KATNIP: variants seen among roughly 807,000 people sequenced by gnomAD.
KATNIP encodes the protein katanin-interacting protein.
A neutral mutation model predicts 174.0 loss-of-function variants in KATNIP; 126 were observed. The ratio of observed to expected loss-of-function variants is 0.72; its 90% CI spans 0.63 to 0.84. KATNIP has a LOEUF of 0.84. Among genes scored for constraint, KATNIP ranks in the 40% least tolerant of loss-of-function variants. KATNIP has a pLI of 0.00. For missense variants in KATNIP, 1,958 were observed against 2,109.7 expected, an observed-to-expected ratio of 0.93 and a Z score of 1.41; for synonymous variants, 810 against 835.7, an observed-to-expected ratio of 0.97 and a Z score of 0.53.
At chr16:27,575,176 C>G (rs1297240726) in intron 2 of KATNIP, among the ~76,000 whole-genome samples, 9 of 152,230 alleles carry the variant, frequency 5.9e-5, no homozygotes, top group Admixed American at 4.6e-4. Flanking sequence ...AAACCAGTCA[C>G]CTGACTCTTC....
intron 21 of KATNIP, among the ~76,000 whole-genome samples, chr16:27,770,394 C>G (rs976799059): frequency 6.6e-6 from 1 of 152,184 alleles, no homozygotes; most frequent in African/African-American, 2.4e-5. Flanking sequence ...AAAAATAGAG[C>G]TTAATATTTC....
chr16:27,669,833 A>ATT (rs34553521), intron 6 of KATNIP, among the ~76,000 whole-genome samples: 237 of 150,040 alleles, frequency 1.6e-3, no homozygotes, highest in Admixed American at 2.5e-3. Context: ...GGGAGAGGGA[A>ATT]TTTTTTTTTT....
chr16:27,625,669 C>T (rs2076310846), intron 3 of KATNIP, among the ~76,000 whole-genome samples: 1 of 152,134 alleles, frequency 6.6e-6, no homozygotes, highest in Non-Finnish European at 1.5e-5. Flanking sequence ...GTATCAGCTG[C>T]TAAAGAAACA....
Position 27,749,914 on chromosome 16 carries a change from G to T in KATNIP, c.2954G>T (p.Trp985Leu). ...TTGGTCATTGACATCAAGTCTACCT[G>T]GGGGGACAGACACTATGTCGGCCTC... The part of the protein sequence containing the change: ...QRLVIDIKST[W>L]GDRHYVGLNG... The change falls in exon 16 of 28, where the codon TGG becomes TTG. Residue 985 changes from tryptophan (W) to leucine (L), a missense_variant. Trp to Leu is a moderately conservative substitution (Grantham distance 61). Around this residue, in one of 3 missense-constraint regions of KATNIP, gnomAD observed 1,557 missense variants for 1,617.8 expected, o/e 0.96. Transcript: ENST00000261588. 6.2e-7 allele frequency: 1 copy of T among 1,614,114 alleles called. No homozygotes were observed. The highest frequency in any genetic ancestry group is 1.1e-5 in the South Asian group (1 of 91,070).
chr16:27,769,784 C>T, intron 20 of KATNIP, 77 bp from the exon 21 acceptor site: 1 of 1,541,456 alleles, frequency 6.5e-7, no homozygotes, highest in Non-Finnish European at 8.9e-7. Flanking sequence ...CTGCCAGCAG[C>T]TCCGGTCACG....
chr16:27,575,106 T>A (rs890425712), intron 2 of KATNIP, among the ~76,000 whole-genome samples: 1 of 152,182 alleles, frequency 6.6e-6, no homozygotes, highest in African/African-American at 2.4e-5. Flanking sequence ...GTACAATAGT[T>A]ACAATACAGT....
rs909878720 is a variant in KATNIP, at chr16:27,583,273, CT to C, written c.63+9320del. On this transcript the variant is annotated intron_variant, in intron 2 of 27. Transcript: ENST00000261588. ...GACAGAGATAATGTTGACAGCTTCC[CT>C]TTCCCGAGTCTGTTTTGGATAAACA... is the stretch of plus-strand genomic sequence containing the variant. Among the ~76,000 whole-genome samples the C allele has an allele frequency of 1.1e-4, 16 of 152,268 alleles. No individual in the cohort carries two copies. The East Asian group carries it at 2.5e-3, about 24-fold the overall frequency.
chr16:27,745,909 G>C (rs1379294300), intron 15 of KATNIP, among the ~76,000 whole-genome samples: 1 of 148,900 alleles, frequency 6.7e-6, no homozygotes, highest in African/African-American at 2.5e-5. Flanking sequence ...TGGGCCCCCA[G>C]CCAGCTCTCA....
At chr16:27,629,873 C>T (rs151010144) in intron 4 of KATNIP, among the ~76,000 whole-genome samples, 1 of 152,234 alleles carries the variant, frequency 6.6e-6, no homozygotes, top group Non-Finnish European at 1.5e-5. Flanking sequence ...AGTAGCTGGG[C>T]ATGGTGGTGC....
Position 27,777,862 on chromosome 16 carries a change from G to A in KATNIP, c.4713-19G>A. On this transcript the variant is annotated intron_variant, in intron 26 of 27. Coordinates refer to ENST00000261588, the MANE Select transcript of KATNIP (RefSeq NM_015202.5). The surrounding 1 kb of genome is among the most constrained non-coding windows in gnomAD (Gnocchi z 4.4). Reference sequence around the variant, plus strand: ...GGCCAGGAGCCTGATCGAATCTTGTGTTTCCTTCCTACCCTCAGTAATCAG... The same window carrying A: ...GGCCAGGAGCCTGATCGAATCTTGTATTTCCTTCCTACCCTCAGTAATCAG... The A allele has an allele frequency of 6.2e-7, 1 of 1,613,908 alleles. No homozygotes were observed.
chr16:27,777,860 G>A lies in KATNIP; in HGVS notation c.4713-21G>A, dbSNP rs1183220345. 24 of 1,613,894 alleles carry A rather than the reference G, an allele frequency of 1.5e-5. No homozygotes were observed. Among genetic ancestry groups the A allele is most frequent in the Admixed American group, 3.3e-5 (2 of 60,036 alleles). On this transcript the variant is annotated intron_variant, in intron 26 of 27. Coordinates refer to ENST00000261588, the MANE Select transcript of KATNIP (RefSeq NM_015202.5). The surrounding 1 kb of genome is among the most constrained non-coding windows in gnomAD (Gnocchi z 4.4). ...ACGGCCAGGAGCCTGATCGAATCTT[G>A]TGTTTCCTTCCTACCCTCAGTAATC...
At chr16:27,632,089 A>G (rs1267627381) in intron 5 of KATNIP, among the ~76,000 whole-genome samples, 1 of 152,242 alleles carries the variant, frequency 6.6e-6, no homozygotes. Context: ...AGTCAGTCTT[A>G]GATCTTTTGC....
intron 5 of KATNIP, among the ~76,000 whole-genome samples, chr16:27,631,544 A>T (rs1010520293): frequency 1.5e-5 from 2 of 131,572 alleles, no homozygotes; most frequent in African/African-American, 3.1e-5. Context: ...GAGCCTGTCT[A>T]AAAAAAAAAA....
chr16:27,648,974 C>T (rs1248840196), intron 6 of KATNIP, among the ~76,000 whole-genome samples: 1 of 152,182 alleles, frequency 6.6e-6, no homozygotes, highest in Non-Finnish European at 1.5e-5. Context: ...TTCTAAGGGT[C>T]ACTAGCACAT....
chr16:27,596,193 C>T lies in KATNIP; in HGVS notation c.64-22232C>T, dbSNP rs543484780. ...GAGGCAGTGGCTGCTGCACAATCTCCGTGAGAGATGACGTGGCTTCCTTTG... is the reference window on the plus strand; with the variant it reads ...GAGGCAGTGGCTGCTGCACAATCTCTGTGAGAGATGACGTGGCTTCCTTTG... On this transcript the variant is annotated intron_variant, in intron 2 of 27. Transcript: ENST00000261588. Among the ~76,000 whole-genome samples the T allele has an allele frequency of 9.2e-5, 14 of 152,188 alleles. No individual in the cohort carries two copies. In the East Asian group the frequency reaches 2.1e-3, roughly 23 times the overall value.
intron 2 of KATNIP, among the ~76,000 whole-genome samples, chr16:27,575,309 G>A (rs1179119056): frequency 6.6e-6 from 1 of 152,176 alleles, no homozygotes; most frequent in East Asian, 1.9e-4. Flanking sequence ...GAATAAGGAA[G>A]GTTGCAAGAT....
chr16:27,777,444 G>A lies in KATNIP; in HGVS notation c.4552-166G>A, dbSNP rs2082538080. On this transcript the variant is annotated intron_variant, in intron 25 of 27. Coordinates refer to ENST00000261588, the MANE Select transcript of KATNIP (RefSeq NM_015202.5). This position sits in a 1 kb window ranked among gnomAD's most constrained non-coding sequence, Gnocchi z 4.4. ...AGCTCCTGCCTTTCCCAATGGTTGT[G>A]AAGATCTGAAATCACAAGGCAGACA... Among the ~76,000 whole-genome samples the A allele has an allele frequency of 6.6e-6, 1 of 152,218 alleles. No homozygotes were observed. The highest frequency in any genetic ancestry group is 2.4e-5 in the African/African-American group (1 of 41,454).
intron 8 of KATNIP, among the ~76,000 whole-genome samples, chr16:27,697,790 TTGTGCA>T (rs1359288039): frequency 6.6e-6 from 1 of 151,772 alleles, no homozygotes; most frequent in East Asian, 1.9e-4. Context: ...TGAACTGTGT[TTGTGCA>T]TGTGCATATG....
chr16:27,690,025 G>A (rs919403621), intron 8 of KATNIP, among the ~76,000 whole-genome samples: 1 of 152,102 alleles, frequency 6.6e-6, no homozygotes, highest in Non-Finnish European at 1.5e-5. Context: ...AGGCAGGGCC[G>A]GCTGCAGTGC....
Sources: allele counts gnomAD v4.1 joint callset (sites outside exome capture counted in the v4.1 genomes callset), GRCh38; gene constraint gnomAD v4.1.1; regional missense constraint gnomAD v4.1.1; non-coding constraint Gnocchi (gnomAD v3.1); transcripts MANE v1.5; gene names NCBI Gene and HGNC (gene_info 2026-07-23, HGNC 2026-07-21).